The following C13orf46 variants were observed in gnomAD, a reference collection of about 807,000 sequenced individuals.
The protein encoded by C13orf46 is chromosome 13 open reading frame 46.
At chr13:113,931,860 G>A in the C13orf46 span, among the ~76,000 whole-genome samples, 1 of 152,082 alleles carries the variant, frequency 6.6e-6, no homozygotes. Flanking sequence ...CGTACGGTTT[G>A]ATAAGTTTTG....
intron 6 of C13orf46, among the ~76,000 whole-genome samples, chr13:113,964,412 G>C (rs1356236302): frequency 6.6e-6 from 1 of 151,952 alleles, no homozygotes; most frequent in Non-Finnish European, 1.5e-5. Flanking sequence ...ATCCAGCCTG[G>C]GGACACGGAT....
At position 113,960,096 on chromosome 13, in the gene C13orf46, C is replaced by CA. The variant is rs1221026316; in HGVS notation, c.573-3258dup. Among the ~76,000 whole-genome samples, 384 of 145,426 alleles carry CA rather than the reference C, an allele frequency of 2.6e-3. 4 individuals carry two copies. Among genetic ancestry groups the CA allele is most frequent in the African/African-American group, 7.2e-3 (289 of 40,076 alleles). ...TGAAACCTTGTCTCTACTAAAAATA[C>CA]AAAAAAAAAAATTAGCCAGACATGG... On this transcript the variant is annotated intron_variant, in intron 6 of 6. Transcript: ENST00000636427.
intron 4 of C13orf46, among the ~76,000 whole-genome samples, 192 bp downstream of exon 4, chr13:113,968,275 C>T (rs1339411906): frequency 2.6e-5 from 4 of 152,108 alleles, no homozygotes; most frequent in East Asian, 3.9e-4. Context: ...GCCCTGGGAT[C>T]GGGTAAAGAG....
the C13orf46 span, among the ~76,000 whole-genome samples, chr13:113,933,844 C>T: frequency 6.6e-6 from 1 of 152,186 alleles, no homozygotes; most frequent in Non-Finnish European, 1.5e-5. Flanking sequence ...AGAGCTACAA[C>T]AAATTCTTAA....
chr13:113,951,715 G>A (rs899600696), downstream of C13orf46, among the ~76,000 whole-genome samples: 14 of 152,346 alleles, frequency 9.2e-5, no homozygotes, highest in Admixed American at 5.9e-4. Flanking sequence ...ACTCACAGGC[G>A]TCGCCAGGCC....
rs1452201952 is a variant in C13orf46 at position 113,956,277 on chromosome 13, GGAGGAGCATCTGGTGGAGAC to G, written c.*476_*495del. On this transcript the variant is annotated 3_prime_UTR_variant, in exon 7 of 7. Coordinates refer to ENST00000636427, the MANE Select transcript of C13orf46 (RefSeq NM_001365455.2). The stretch of plus-strand genomic sequence containing the variant: ...CGAGAGGAGGAACATCCGGTGGAGA[GGAGGAGCATCTGGTGGAGAC>G]GAGGAGCATCTGGTGGAGAGGAGGA... The G allele has an allele frequency of 3.8e-5, 6 of 156,230 alleles. No individual in the cohort carries two copies. The highest frequency in any genetic ancestry group is 3.7e-4 in the South Asian group (2 of 5,444). 9.7% of individuals were successfully genotyped at this position (156,230 alleles called of 1,614,324 possible). A position where few individuals can be genotyped will look rare whatever the true frequency, so the allele number is the denominator to read the frequency against.
At chr13:113,926,664 G>C in the C13orf46 span, 1 of 152,236 alleles carries the variant, frequency 6.6e-6, no homozygotes, top group South Asian at 2.1e-4. Flanking sequence ...GGGATGAAAT[G>C]TTCTGAAACT....
chr13:113,954,337 G>A lies in C13orf46; in HGVS notation c.*2436C>T, dbSNP rs2052503419. On this transcript the variant is annotated 3_prime_UTR_variant, in exon 7 of 7. Coordinates refer to ENST00000636427, the MANE Select transcript of C13orf46 (RefSeq NM_001365455.2). ...GTATGTACGAGCATGTATGTGCTGT[G>A]TACATATGAATATGCACGTGTGCGT... The A allele has an allele frequency of 6.6e-6, 1 of 152,368 alleles. No individual in the cohort carries two copies. Among genetic ancestry groups the A allele is most frequent in the Admixed American group, 6.5e-5 (1 of 15,290 alleles). The allele number at this position is 152,368 out of a possible 1,614,324, so 9.4% of individuals were successfully genotyped here. A position where few individuals can be genotyped will look rare whatever the true frequency, so the allele number is the denominator to read the frequency against.
chr13:113,969,070 A>T (rs1172126886), intron 2 of C13orf46, among the ~76,000 whole-genome samples: 1 of 152,224 alleles, frequency 6.6e-6, no homozygotes, highest in African/African-American at 2.4e-5. Flanking sequence ...AAGAACCAAA[A>T]TCTGATGAGA....
chr13:113,935,166 T>C, the C13orf46 span, among the ~76,000 whole-genome samples: 5,319 of 152,312 alleles, frequency 0.035, 132 homozygotes, highest in Non-Finnish European at 0.058. Context: ...CGAGAGGGCC[T>C]GGGCTGGCCG....
In C13orf46 at chr13:113,954,094, C is replaced by G. The variant is rs1365708796; in HGVS notation, c.*2679G>C. 1 of 152,260 alleles carries G rather than the reference C, an allele frequency of 6.6e-6. No homozygotes were observed. Among genetic ancestry groups the G allele is most frequent in the Non-Finnish European group, 1.5e-5 (1 of 68,050 alleles). 9.4% of individuals were successfully genotyped at this position (152,260 alleles called of 1,614,324 possible). A position where few individuals can be genotyped will look rare whatever the true frequency, so the allele number is the denominator to read the frequency against. ...CAAGCTCTGCGTGGCATGCGGCTCC[C>G]TGAAAAGGGCCCCTCCCTCCCTGGC... On this transcript the variant is annotated 3_prime_UTR_variant, in exon 7 of 7. Coordinates refer to ENST00000636427, the MANE Select transcript of C13orf46 (RefSeq NM_001365455.2).
At chr13:113,953,469 A>G (rs1366212345), downstream of C13orf46, among the ~76,000 whole-genome samples, 6 of 140,818 alleles carry the variant, frequency 4.3e-5, no homozygotes, top group African/African-American at 1.6e-4. Context: ...TGTGACCCCC[A>G]CCCCACCAGA....
chr13:113,959,223 GA>G (rs1465890906), intron 6 of C13orf46, among the ~76,000 whole-genome samples: 1 of 152,188 alleles, frequency 6.6e-6, no homozygotes, highest in Non-Finnish European at 1.5e-5. Context: ...AGTGAGCTGG[GA>G]ACACACCACT....
chr13:113,946,224 A>AC, the C13orf46 span, among the ~76,000 whole-genome samples: 1 of 152,158 alleles, frequency 6.6e-6, no homozygotes, highest in African/African-American at 2.4e-5. Flanking sequence ...TGTACTCCCC[A>AC]CCGGCCAATT....
the C13orf46 span, among the ~76,000 whole-genome samples, chr13:113,938,522 G>A: frequency 6.6e-6 from 1 of 152,150 alleles, no homozygotes; most frequent in Non-Finnish European, 1.5e-5. Flanking sequence ...CAGACCTTAC[G>A]CTGGGTCCAG....
intron 1 of C13orf46, among the ~76,000 whole-genome samples, chr13:113,971,880 G>A (rs964693930): frequency 1.3e-5 from 2 of 152,194 alleles, no homozygotes; most frequent in African/African-American, 2.4e-5. Context: ...GCTCTTCTCC[G>A]GCAGAATCTC....
chr13:113,934,198 T>C, the C13orf46 span, among the ~76,000 whole-genome samples: 4 of 152,244 alleles, frequency 2.6e-5, no homozygotes, highest in African/African-American at 7.2e-5. Flanking sequence ...GAGCACGTTG[T>C]GTGGTGTGGA....
At position 113,954,770 on chromosome 13, in the gene C13orf46, G is replaced by C. The variant is rs1016530713; in HGVS notation, c.*2003C>G. Reference sequence around the variant, plus strand: ...AAGAGGCCAGGGCAGGAAGGGGCTGGAGTCCTCCAGCTGGTGGAGACGAGG... The same window carrying C: ...AAGAGGCCAGGGCAGGAAGGGGCTGCAGTCCTCCAGCTGGTGGAGACGAGG... On this transcript the variant is annotated 3_prime_UTR_variant, in exon 7 of 7. Transcript: ENST00000636427. The C allele has an allele frequency of 3.6e-5, 7 of 197,040 alleles. No individual in the cohort carries two copies. The highest frequency in any genetic ancestry group is 1.8e-4 in the East Asian group (1 of 5,694). The allele number at this position is 197,040 out of a possible 1,614,324, so 12.2% of individuals were successfully genotyped here. A position where few individuals can be genotyped will look rare whatever the true frequency, so the allele number is the denominator to read the frequency against.
At chr13:113,935,240 G>GC in the C13orf46 span, among the ~76,000 whole-genome samples, 1 of 152,234 alleles carries the variant, frequency 6.6e-6, no homozygotes, top group East Asian at 1.9e-4. Flanking sequence ...CAGTGACTCG[G>GC]CCCCCGGCGC....
Sources: gnomAD v4.1 joint callset for allele counts (sites outside exome capture counted in the v4.1 genomes callset) on GRCh38, gnomAD v4.1.1 for gene constraint, MANE v1.5 for transcripts, NCBI Gene and HGNC (gene_info 2026-07-23, HGNC 2026-07-21) for gene names.